TMEM182: variants seen among roughly 807,000 people sequenced by gnomAD.
TMEM182 encodes the protein transmembrane protein 182.
TMEM182 carries 20 observed loss-of-function variants against 26.8 expected under a neutral mutation model. The observed-to-expected ratio is 0.75, with a 90% CI of 0.53 to 1.09. The LOEUF (loss-of-function observed/expected upper bound fraction) is 1.09. Ranked by LOEUF, TMEM182 falls within the 50% of genes least tolerant of loss-of-function variation. The pLI is 0.00. For missense variants in TMEM182, 277 were observed against 275.5 expected, an observed-to-expected ratio of 1.01 and a Z score of -0.04; for synonymous variants, 109 against 102.2, an observed-to-expected ratio of 1.07 and a Z score of -0.40.
chr2:102,739,060 G>T (rs974902656), intron 1 of TMEM182, among the ~76,000 whole-genome samples: 1 of 152,172 alleles, frequency 6.6e-6, no homozygotes, highest in African/African-American at 2.4e-5. Flanking sequence ...AAAGATTTGC[G>T]ATTGCTCTCT....
chr2:102,841,939 C>T lies in TMEM182; in HGVS notation c.326-1473C>T, dbSNP rs138008480. Among the ~76,000 whole-genome samples the T allele has an allele frequency of 1.3e-3, 196 of 152,092 alleles. 2 individuals are homozygous for T. The East Asian group carries it at 0.031, about 24-fold the overall frequency. ...ACTCCATTCCATGACAGGGTAATTGCGAAGGTTAAATGAAATGTATTCAGG... is the reference window on the plus strand; with the variant it reads ...ACTCCATTCCATGACAGGGTAATTGTGAAGGTTAAATGAAATGTATTCAGG... On this transcript the variant is annotated intron_variant, in intron 3 of 3. Transcript: ENST00000486293.
intron 3 of TMEM182, among the ~76,000 whole-genome samples, chr2:102,793,324 T>C (rs1681728357): frequency 1.3e-5 from 2 of 152,192 alleles, no homozygotes; most frequent in African/African-American, 4.8e-5. Context: ...ACTACCTTTT[T>C]AGGAGGTAAA....
In TMEM182 at chr2:102,780,565, G is replaced by T. The variant is rs191176873; in HGVS notation, c.331+16138G>T. Among the ~76,000 whole-genome samples, 889 of 152,192 alleles carry T rather than the reference G, an allele frequency of 5.8e-3. 32 individuals are homozygous for T. The highest frequency in any genetic ancestry group is 1.3e-3 in the Non-Finnish European group (90 of 68,010). ...CTATGACACCACTCTAGTTAGAAGG[G>T]GCTACCTCATTTCTACCTCTTAGAA... is the stretch of plus-strand genomic sequence containing the variant. On this transcript the variant is annotated intron_variant, in intron 3 of 4. Coordinates refer to ENST00000412401, the MANE Select transcript of TMEM182 (RefSeq NM_144632.5).
chr2:102,781,584 T>TA, intron 3 of TMEM182, among the ~76,000 whole-genome samples: 1 of 152,150 alleles, frequency 6.6e-6, no homozygotes, highest in Non-Finnish European at 1.5e-5. Context: ...GCTCCATTGT[T>TA]ACAAGGTCAG....
intron 3 of TMEM182, among the ~76,000 whole-genome samples, chr2:102,832,560 G>A (rs949651210): frequency 6.6e-6 from 1 of 152,180 alleles, no homozygotes; most frequent in Non-Finnish European, 1.5e-5. Context: ...GAAGAAGTTG[G>A]AACTATTGCA....
At position 102,762,749 on chromosome 2, in the gene TMEM182, A is replaced by G; in HGVS notation, c.232+63A>G. On this transcript the variant is annotated intron_variant, in intron 2 of 4. Coordinates refer to ENST00000412401, the MANE Select transcript of TMEM182 (RefSeq NM_144632.5). Reference sequence around the variant, plus strand: ...AAAATAAAAATGAACAGTTTCTTACATAGTATATGTCACTTCTAGCGGACT... The same window carrying G: ...AAAATAAAAATGAACAGTTTCTTACGTAGTATATGTCACTTCTAGCGGACT... 2.9e-6 allele frequency: 4 copies of G among 1,374,482 alleles called. No homozygotes were observed. In the South Asian group the frequency reaches 3.6e-5, roughly 13 times the overall value. 85.1% of individuals were successfully genotyped at this position (1,374,482 alleles called of 1,614,324 possible).
At chr2:102,834,019 C>A (rs899267297) in intron 3 of TMEM182, among the ~76,000 whole-genome samples, 1 of 152,088 alleles carries the variant, frequency 6.6e-6, no homozygotes, top group African/African-American at 2.4e-5. Context: ...AGCCATGGAA[C>A]CTAGATAACC....
chr2:102,762,264 T>C lies in TMEM182; in HGVS notation c.47T>C (p.Leu16Ser). The change falls in exon 1 of 5, where the codon TTG becomes TCG. Residue 16 changes from leucine (L) to serine (S), a missense_variant. Leu to Ser is a moderately radical substitution (Grantham distance 145). Transcript: ENST00000412401. Reference sequence around the variant, plus strand: ...TTCTTTGGAGCTCTCTTTGGTGCTTTGGGGGTGTTACTCTTTTTGGTGGCT... The same window carrying C: ...TTCTTTGGAGCTCTCTTTGGTGCTTCGGGGGTGTTACTCTTTTTGGTGGCT... ...AIFFGALFGA[L>S]GVLLFLVAFG... 1 of 1,613,912 alleles carries C rather than the reference T, an allele frequency of 6.2e-7. No individual in the cohort carries two copies. Among genetic ancestry groups the C allele is most frequent in the Non-Finnish European group, 8.5e-7 (1 of 1,179,898 alleles).
At chr2:102,831,620 G>T (rs577760699) in intron 3 of TMEM182, among the ~76,000 whole-genome samples, 1 of 152,120 alleles carries the variant, frequency 6.6e-6, no homozygotes, top group Admixed American at 6.6e-5. Flanking sequence ...AGCTCAGTGC[G>T]GTGGTACATG....
At chr2:102,810,276 G>A (rs1007333408) in intron 4 of TMEM182, among the ~76,000 whole-genome samples, 10 of 151,860 alleles carry the variant, frequency 6.6e-5, no homozygotes, top group Non-Finnish European at 1.5e-5. Flanking sequence ...TGGTTCTTAC[G>A]GTATAGTGAA....
intron 1 of TMEM182, among the ~76,000 whole-genome samples, chr2:102,752,361 G>C (rs935239514): frequency 1.3e-5 from 2 of 152,130 alleles, no homozygotes; most frequent in Non-Finnish European, 2.9e-5. Flanking sequence ...TGTCATTTGG[G>C]TATCATGATA....
chr2:102,829,513 G>A (rs1386719524), intron 3 of TMEM182, among the ~76,000 whole-genome samples: 2 of 152,168 alleles, frequency 1.3e-5, no homozygotes, highest in Non-Finnish European at 2.9e-5. Context: ...AATATCAGAA[G>A]GTGTTAGAAG....
chr2:102,772,442 C>T (rs1222963827), intron 3 of TMEM182, among the ~76,000 whole-genome samples: 5 of 152,108 alleles, frequency 3.3e-5, no homozygotes, highest in African/African-American at 1.2e-4. Context: ...GTAGGGTGAC[C>T]AGGGAGGCCT....
intron 1 of TMEM182, among the ~76,000 whole-genome samples, chr2:102,743,373 C>G (rs2104629305): frequency 6.6e-6 from 1 of 152,262 alleles, no homozygotes; most frequent in Admixed American, 6.5e-5. Flanking sequence ...TGGCACATGC[C>G]TGTAGTCCCA....
chr2:102,785,869 C>T (rs1681367502), intron 3 of TMEM182, among the ~76,000 whole-genome samples: 1 of 152,110 alleles, frequency 6.6e-6, no homozygotes, highest in South Asian at 2.1e-4. Context: ...TCCTAGAATA[C>T]TTACAACTAA....
chr2:102,767,326 G>T (rs1024838716), intron 3 of TMEM182, among the ~76,000 whole-genome samples: 1 of 152,098 alleles, frequency 6.6e-6, no homozygotes, highest in Non-Finnish European at 1.5e-5. Flanking sequence ...GGTGAGGGTG[G>T]TCTAATTCAC....
chr2:102,803,199 C>T lies in TMEM182; in HGVS notation c.469+5199C>T, dbSNP rs141015382. 7.3e-3 allele frequency among the ~76,000 whole-genome samples: 1,108 copies of T among 152,306 alleles called. 16 individuals are homozygous for T. Among genetic ancestry groups the T allele is most frequent in the African/African-American group, 0.024 (1,017 of 41,560 alleles). On this transcript the variant is annotated intron_variant, in intron 4 of 4. Transcript: ENST00000412401. ...TGTGCCTGCTTGCTCTGCCCCATTC[C>T]ACGAGCACAGGGTGAGCTCTTTGCC...
chr2:102,780,324 C>T (rs918347825), intron 3 of TMEM182, among the ~76,000 whole-genome samples: 4 of 152,142 alleles, frequency 2.6e-5, no homozygotes, highest in African/African-American at 9.7e-5. Context: ...TAATTCCAGG[C>T]ACCCCCTAAG....
intron 4 of TMEM182, among the ~76,000 whole-genome samples, chr2:102,809,600 G>A (rs75159188): frequency 1.0e-3 from 152 of 152,200 alleles, no homozygotes; most frequent in African/African-American, 3.4e-3. Flanking sequence ...TATGAGACTC[G>A]TGCTCTCAGG....
Sources: gnomAD v4.1 joint callset for allele counts (sites outside exome capture counted in the v4.1 genomes callset) on GRCh38, gnomAD v4.1.1 for gene constraint, MANE v1.5 for transcripts, NCBI Gene and HGNC (gene_info 2026-07-23, HGNC 2026-07-21) for gene names.